The following TUSC3 variants were observed in gnomAD, a reference collection of about 807,000 sequenced individuals.
TUSC3 encodes tumor suppressor candidate 3.
TUSC3 carries 45 observed loss-of-function variants against 44.8 expected under a neutral mutation model. The observed-to-expected ratio is 1.00, with a 90% CI of 0.79 to 1.29. The LOEUF is 1.29. Among genes scored for constraint, TUSC3 ranks in the 50% most tolerant of loss-of-function variants. TUSC3 has a pLI of 0.00. For missense variants in TUSC3, 519 were observed against 437.9 expected, an observed-to-expected ratio of 1.19 and a Z score of -1.65; for synonymous variants, 212 against 152.9, an observed-to-expected ratio of 1.39 and a Z score of -2.85.
the TUSC3 span, among the ~76,000 whole-genome samples, chr8:15,783,596 A>G: frequency 6.6e-6 from 1 of 152,238 alleles, no homozygotes. Flanking sequence ...TTGATTTTTG[A>G]CAAAAGTGTC....
At chr8:15,819,429 CACCATTA>C in the TUSC3 span, among the ~76,000 whole-genome samples, 7 of 152,146 alleles carry the variant, frequency 4.6e-5, no homozygotes, top group Admixed American at 4.6e-4. Context: ...CATCCTTCTC[CACCATTA>C]CCTCTATGCA....
the TUSC3 span, among the ~76,000 whole-genome samples, chr8:15,837,005 A>T: frequency 6.6e-6 from 1 of 152,092 alleles, no homozygotes; most frequent in African/African-American, 2.4e-5. Flanking sequence ...TCTATGTTAA[A>T]TAAGGTAGGT....
intron 2 of TUSC3, among the ~76,000 whole-genome samples, chr8:15,516,499 C>A (rs914171679): frequency 6.6e-6 from 1 of 152,012 alleles, no homozygotes; most frequent in South Asian, 2.1e-4. Flanking sequence ...GATATTTTTC[C>A]CCCTGAAAAT....
the TUSC3 span, chr8:15,806,758 G>A: frequency 1.3e-6 from 1 of 781,466 alleles, no homozygotes; most frequent in East Asian, 2.5e-5. Context: ...GCATTACAGA[G>A]CCACCTGCAT....
At position 15,596,756 on chromosome 8, in the gene TUSC3, A is replaced by G. The variant is rs148958873; in HGVS notation, c.139-26324A>G. On this transcript the variant is annotated intron_variant, in intron 1 of 10. Transcript: ENST00000503731. ...TCAGAGAATTTATGTTGCTGAACTG[A>G]TTGGATATAATGTTTTGGTTGGGGT... Among the ~76,000 whole-genome samples, 72 of 152,170 alleles carry G rather than the reference A, an allele frequency of 4.7e-4. 1 individual carries two copies. The highest frequency in any genetic ancestry group is 3.4e-3 in the Middle Eastern group (1 of 294).
chr8:15,645,604 CTTT>C (rs1806590491), intron 2 of TUSC3, among the ~76,000 whole-genome samples: 1 of 151,964 alleles, frequency 6.6e-6, no homozygotes, highest in Non-Finnish European at 1.5e-5. Context: ...AGGTATACTT[CTTT>C]ATTATTGCAG....
the TUSC3 span, among the ~76,000 whole-genome samples, chr8:15,802,883 C>G: frequency 2.0e-5 from 3 of 151,648 alleles, no homozygotes; most frequent in Admixed American, 6.6e-5. Flanking sequence ...GTCATTCCAG[C>G]AGAAAAGTTT....
chr8:15,795,792 C>T, the TUSC3 span, among the ~76,000 whole-genome samples: 1 of 152,202 alleles, frequency 6.6e-6, no homozygotes, highest in Non-Finnish European at 1.5e-5. Flanking sequence ...CTGGCATTTC[C>T]AGATCAGTTT....
intron 2 of TUSC3, among the ~76,000 whole-genome samples, chr8:15,642,575 G>A (rs1364776421): frequency 1.3e-5 from 2 of 152,206 alleles, no homozygotes; most frequent in East Asian, 3.9e-4. Flanking sequence ...TTTAAAGTCT[G>A]CGTATATTCT....
chr8:15,586,387 G>T (rs561517023), intron 1 of TUSC3, among the ~76,000 whole-genome samples: 31 of 152,132 alleles, frequency 2.0e-4, no homozygotes, highest in Non-Finnish European at 3.5e-4. Context: ...TGGTTCTTGG[G>T]TGGGGTGGGA....
the TUSC3 span, among the ~76,000 whole-genome samples, chr8:15,788,774 G>C: frequency 4.6e-5 from 7 of 152,042 alleles, no homozygotes; most frequent in East Asian, 1.4e-3. Flanking sequence ...AGGGCTTAAT[G>C]GCACTGAGAG....
At chr8:15,728,854 G>C (rs1038722104) in intron 6 of TUSC3, among the ~76,000 whole-genome samples, 3 of 152,096 alleles carry the variant, frequency 2.0e-5, no homozygotes, top group Non-Finnish European at 4.4e-5. Context: ...AGGAGGAGGA[G>C]CCAATGAGGT....
intron 1 of TUSC3, among the ~76,000 whole-genome samples, chr8:15,606,016 C>T (rs75312329): frequency 7.2e-5 from 11 of 151,878 alleles, no homozygotes; most frequent in Non-Finnish European, 1.3e-4. Flanking sequence ...CGAGGTTCTC[C>T]TGTATTTTTC....
the TUSC3 span, among the ~76,000 whole-genome samples, chr8:15,827,267 G>A: frequency 6.6e-6 from 1 of 152,318 alleles, no homozygotes; most frequent in East Asian, 1.9e-4. Context: ...TCTAACTCAT[G>A]TAAGACTGAA....
rs1005395783 is a variant in TUSC3, at chr8:15,590,473, G to A, written c.139-32607G>A. Among the ~76,000 whole-genome samples the A allele has an allele frequency of 2.0e-5, 3 of 151,920 alleles. No homozygotes were observed. In the South Asian group the frequency reaches 6.2e-4, roughly 31 times the overall value. On this transcript the variant is annotated intron_variant, in intron 1 of 10. Coordinates refer to ENST00000503731, the MANE Select transcript of TUSC3 (RefSeq NM_006765.4). ...CTTTCTTCTCTCTCCCAGCATCTAA[G>A]AAAATAAATTCTTTCTTGCCAATTC...
At chr8:15,719,312 T>C (rs1005738473) in intron 6 of TUSC3, among the ~76,000 whole-genome samples, 2 of 152,056 alleles carry the variant, frequency 1.3e-5, no homozygotes, top group African/African-American at 4.8e-5. Flanking sequence ...AGAATCCATG[T>C]GACTAACTGC....
At chr8:15,812,333 TCTAA>T in the TUSC3 span, among the ~76,000 whole-genome samples, 2 of 152,182 alleles carry the variant, frequency 1.3e-5, no homozygotes, top group African/African-American at 4.8e-5. Context: ...CTGTGTACGT[TCTAA>T]CTATTTCTAT....
At chr8:15,523,706 G>GTATATATATATATATA (rs1554509643) in intron 2 of TUSC3, among the ~76,000 whole-genome samples, 1 of 112,852 alleles carries the variant, frequency 8.9e-6, no homozygotes, top group Admixed American at 8.6e-5. Flanking sequence ...GTGTGTGTGT[G>GTATATATATATATATA]TGTATATATA....
intron 1 of TUSC3, among the ~76,000 whole-genome samples, chr8:15,592,674 A>G (rs143651276): frequency 2.0e-5 from 3 of 152,340 alleles, no homozygotes; most frequent in African/African-American, 7.2e-5. Context: ...CAGCTTGCAG[A>G]ACTGCTAGCC....
Sources: allele counts gnomAD v4.1 joint callset (sites outside exome capture counted in the v4.1 genomes callset), GRCh38; gene constraint gnomAD v4.1.1; transcripts MANE v1.5; gene names NCBI Gene and HGNC (gene_info 2026-07-23, HGNC 2026-07-21).